DIAPH2: variants seen among roughly 807,000 people sequenced by gnomAD.
The protein encoded by DIAPH2 is protein diaphanous homolog 2.
DIAPH2 carries 35 observed loss-of-function variants against 92.7 expected under a neutral mutation model. That is an observed-to-expected ratio of 0.38 (90% CI 0.29 to 0.50). The LOEUF (loss-of-function observed/expected upper bound fraction) is 0.50. Among genes scored for constraint, DIAPH2 ranks in the 20% least tolerant of loss-of-function variants. DIAPH2 has a pLI of 0.94. For synonymous variants in DIAPH2, 301 were observed against 280.4 expected (o/e 1.07, Z -0.73); for missense variants, 701 against 819.5 (o/e 0.86, Z 1.77).
intron 17 of DIAPH2, among the ~76,000 whole-genome samples, chrX:97,043,300 C>CTTT (rs2066459541): frequency 9.0e-6 from 1 of 110,936 alleles, no homozygotes; most frequent in Non-Finnish European, 1.9e-5. Context: ...TTCAAAACTC[C>CTTT]CCTTTACTGC....
intron 26 of DIAPH2, chrX:97,469,584 A>G: frequency 1.5e-6 from 1 of 661,993 alleles, no homozygotes; most frequent in Non-Finnish European, 2.2e-6. Context: ...CTAAATCAGT[A>G]TTATAAATGA....
chrX:97,532,134 CTG>C (rs1355063168), intron 26 of DIAPH2, among the ~76,000 whole-genome samples: 1 of 112,717 alleles, frequency 8.9e-6, no homozygotes, highest in Admixed American at 9.4e-5. Flanking sequence ...CATGTACACA[CTG>C]TGATATTTTA....
At position 96,939,484 on chromosome X, in the gene DIAPH2, G is replaced by GTGTGTA. The variant is rs745521574; in HGVS notation, c.1325+103_1325+104insGTGTAT. 7.6e-4 allele frequency: 110 copies of GTGTGTA among 145,173 alleles called. 3 individuals carry two copies. The highest frequency in any genetic ancestry group is 6.8e-4 in the Non-Finnish European group (50 of 73,841). The allele number at this position is 145,173 out of a possible 1,213,427, so 12.0% of individuals were successfully genotyped here. A position where few individuals can be genotyped will look rare whatever the true frequency, so the allele number is the denominator to read the frequency against. ...CTAAGCAATATATGCATATGTGTGTGTATGTATATATATATGTATATATAT... is the reference window on the plus strand; with the variant it reads ...CTAAGCAATATATGCATATGTGTGTGTGTGTATATGTATATATATATGTATATATAT... On this transcript the variant is annotated intron_variant, in intron 12 of 26. Coordinates refer to ENST00000324765, the MANE Select transcript of DIAPH2 (RefSeq NM_006729.5).
intron 26 of DIAPH2, among the ~76,000 whole-genome samples, chrX:97,470,357 G>A (rs187854121): frequency 7.3e-4 from 81 of 111,327 alleles, no homozygotes; most frequent in Non-Finnish European, 1.3e-3. Context: ...CATGTAATGC[G>A]TATATTTTTA....
At chrX:97,497,343 G>A (rs764404136) in intron 26 of DIAPH2, among the ~76,000 whole-genome samples, 156 of 110,672 alleles carry the variant, frequency 1.4e-3, no homozygotes, top group African/African-American at 5.1e-3. Context: ...TGTGTGTGCT[G>A]CCCCCACCCC....
intron 3 of DIAPH2, among the ~76,000 whole-genome samples, chrX:96,753,839 AAAGACACAGTT>A (rs1227153009): frequency 8.9e-6 from 1 of 112,197 alleles, no homozygotes; most frequent in Admixed American, 9.5e-5. Context: ...TCTTAATGAA[AAAGACACAGTT>A]AATGCCATCA....
At chrX:97,167,476 G>A (rs1277515662) in intron 22 of DIAPH2, among the ~76,000 whole-genome samples, 1 of 111,475 alleles carries the variant, frequency 9.0e-6, no homozygotes, top group East Asian at 2.8e-4. Flanking sequence ...ACTCTTTCAA[G>A]AATGAGAGTA....
At chrX:96,848,258 C>T (rs1018087861) in intron 4 of DIAPH2, among the ~76,000 whole-genome samples, 1 of 110,872 alleles carries the variant, frequency 9.0e-6, no homozygotes, top group Non-Finnish European at 1.9e-5. Flanking sequence ...CCAGGCTGAT[C>T]TTGAACTCCT....
chrX:97,212,163 T>C (rs1194051320), intron 22 of DIAPH2, among the ~76,000 whole-genome samples: 1 of 111,979 alleles, frequency 8.9e-6, no homozygotes, highest in African/African-American at 3.2e-5. Context: ...GACAATATGG[T>C]ATGCTCTTCT....
intron 5 of DIAPH2, among the ~76,000 whole-genome samples, chrX:96,899,558 G>A (rs1438294238): frequency 1.8e-5 from 2 of 111,244 alleles, no homozygotes; most frequent in Non-Finnish European, 3.8e-5. Context: ...GAATGCTTGT[G>A]ATTTTTGTAC....
chrX:96,882,969 AAAAAAAAAAAAAAAC>A (rs1569419334), intron 5 of DIAPH2, among the ~76,000 whole-genome samples: 1 of 77,020 alleles, frequency 1.3e-5, no homozygotes, highest in Admixed American at 1.4e-4. Flanking sequence ...CAAAAAAAAA[AAAAAAAAAAAAAAAC>A]AAAAAAACAA....
intron 5 of DIAPH2, among the ~76,000 whole-genome samples, chrX:96,886,765 A>G (rs1228582672): frequency 9.0e-6 from 1 of 111,180 alleles, no homozygotes; most frequent in Non-Finnish European, 1.9e-5. Flanking sequence ...TAGCAGATAC[A>G]ATATTCTTTT....
At chrX:97,417,243 A>T (rs918013875) in intron 25 of DIAPH2, among the ~76,000 whole-genome samples, 1 of 111,390 alleles carries the variant, frequency 9.0e-6, no homozygotes, top group Non-Finnish European at 1.9e-5. Context: ...TTGCTTTTTT[A>T]AAAAAGCAAA....
chrX:97,037,123 A>G (rs944498149), intron 17 of DIAPH2, among the ~76,000 whole-genome samples: 6 of 111,708 alleles, frequency 5.4e-5, no homozygotes, highest in South Asian at 7.6e-4. Context: ...AATTGAATGT[A>G]TACCTCATTT....
chrX:97,571,037 G>A (rs936449037), intron 26 of DIAPH2, among the ~76,000 whole-genome samples: 15 of 111,388 alleles, frequency 1.3e-4, no homozygotes, highest in African/African-American at 4.9e-4. Context: ...ATAATATAGT[G>A]CACGTTCAAA....
At chrX:97,456,876 C>T (rs145298898) in intron 26 of DIAPH2, among the ~76,000 whole-genome samples, 1,497 of 111,729 alleles carry the variant, frequency 0.013, 82 homozygotes, top group Admixed American at 0.13. Flanking sequence ...TTTCTGTAAG[C>T]ATCCACAAAA....
chrX:97,548,208 G>A (rs988082098), intron 26 of DIAPH2, among the ~76,000 whole-genome samples: 1 of 112,062 alleles, frequency 8.9e-6, no homozygotes, highest in Non-Finnish European at 1.9e-5. Context: ...TTTTGTGTGT[G>A]TCTCTCTCTT....
Position 97,301,041 on chromosome X carries a change from C to T in DIAPH2, c.2845-47075C>T, listed in dbSNP as rs185606886. Among the ~76,000 whole-genome samples the T allele has an allele frequency of 3.9e-3, 387 of 98,666 alleles. 3 individuals are homozygous for T. The highest frequency in any genetic ancestry group is 0.012 in the African/African-American group (337 of 27,159). The allele number at this position is 98,666 out of a possible 115,157, so 85.7% of individuals were successfully genotyped here. A position where few individuals can be genotyped will look rare whatever the true frequency, so the allele number is the denominator to read the frequency against. On this transcript the variant is annotated intron_variant, in intron 23 of 26. Transcript: ENST00000324765. ...GTAATTGGCCGGGCGCAGTGGCTCA[C>T]GCCTGTAATCCCAGCACTTTGGGAG...
chrX:96,734,046 G>A lies in DIAPH2; in HGVS notation c.133-1712G>A, dbSNP rs146779393. On this transcript the variant is annotated intron_variant, in intron 1 of 26. Coordinates refer to ENST00000324765, the MANE Select transcript of DIAPH2 (RefSeq NM_006729.5). Reference sequence around the variant, plus strand: ...GAGGGGAAGGGAAGACTTCAGTCTCGTCCCATAGGACCAAGTGAAAATATT... The same window carrying A: ...GAGGGGAAGGGAAGACTTCAGTCTCATCCCATAGGACCAAGTGAAAATATT... Among the ~76,000 whole-genome samples, 1,119 of 111,987 alleles carry A rather than the reference G, an allele frequency of 1.0e-2. 16 individuals are homozygous for A. The highest frequency in any genetic ancestry group is 0.034 in the African/African-American group (1,057 of 30,848).
Sources: gnomAD v4.1 joint callset for allele counts (sites outside exome capture counted in the v4.1 genomes callset) on GRCh38, gnomAD v4.1.1 for gene constraint, MANE v1.5 for transcripts, NCBI Gene and HGNC (gene_info 2026-07-23, HGNC 2026-07-21) for gene names.